The following TBC1D20 variants were observed in gnomAD, a reference collection of about 807,000 sequenced individuals.
TBC1D20 encodes the protein chromosome 20 open reading frame 140.
TBC1D20 carries 12 observed loss-of-function variants against 41.6 expected under a neutral mutation model. The observed-to-expected ratio is 0.29, with a 90% CI of 0.18 to 0.47. TBC1D20 has a LOEUF of 0.47. Ranked by LOEUF, TBC1D20 falls within the 20% of genes least tolerant of loss-of-function variation. TBC1D20 has a pLI of 1.00. For missense variants in TBC1D20, 421 were observed against 517.4 expected, an observed-to-expected ratio of 0.81 and a Z score of 1.81; for synonymous variants, 205 against 204.8, an observed-to-expected ratio of 1.00 and a Z score of -0.01.
At chr20:460,782 T>C (rs1192467975) in intron 1 of TBC1D20, among the ~76,000 whole-genome samples, 4 of 151,986 alleles carry the variant, frequency 2.6e-5, no homozygotes, top group African/African-American at 9.7e-5. Context: ...AACAAAACAA[T>C]AACAAAAACA....
chr20:456,560 T>C (rs1295097413), intron 1 of TBC1D20, among the ~76,000 whole-genome samples: 2 of 151,142 alleles, frequency 1.3e-5, no homozygotes, highest in East Asian at 2.0e-4. Context: ...AGAATGACTT[T>C]TTTTCTTCTT....
chr20:461,174 A>C (rs2017622664), intron 1 of TBC1D20, among the ~76,000 whole-genome samples: 1 of 152,352 alleles, frequency 6.6e-6, no homozygotes, highest in Non-Finnish European at 1.5e-5. Flanking sequence ...GAAATAGGGA[A>C]AGTCACCTTA....
At chr20:456,011 C>T (rs1406738829) in intron 1 of TBC1D20, among the ~76,000 whole-genome samples, 1 of 152,080 alleles carries the variant, frequency 6.6e-6, no homozygotes, top group East Asian at 1.9e-4. Flanking sequence ...CCAGACGTGG[C>T]TCATGCTTAT....
At chr20:444,203 G>A (rs2017289435) in intron 3 of TBC1D20, among the ~76,000 whole-genome samples, 1 of 151,968 alleles carries the variant, frequency 6.6e-6, no homozygotes, top group South Asian at 2.1e-4. Flanking sequence ...AAAAGGGAAT[G>A]GACCGTGGGC....
chr20:445,493 A>C (rs1347491106), intron 2 of TBC1D20, among the ~76,000 whole-genome samples: 1 of 152,158 alleles, frequency 6.6e-6, no homozygotes, highest in African/African-American at 2.4e-5. Flanking sequence ...TATTCCAAGG[A>C]TCAAATAAAA....
At chr20:451,301 T>C (rs2017437629) in intron 1 of TBC1D20, among the ~76,000 whole-genome samples, 1 of 152,156 alleles carries the variant, frequency 6.6e-6, no homozygotes, top group Admixed American at 6.6e-5. Flanking sequence ...TCCCAGCACT[T>C]TGGGAGGCCA....
chr20:449,285 TAAAAAA>T (rs1169245536), intron 1 of TBC1D20, among the ~76,000 whole-genome samples: 6 of 56,940 alleles, frequency 1.1e-4, no homozygotes, highest in African/African-American at 3.7e-4. Context: ...CCCAATACAT[TAAAAAA>T]AAAAAAAAAA....
At position 437,729 on chromosome 20, in the gene TBC1D20, A is replaced by G. The variant is rs1375219809; in HGVS notation, c.*857T>C. 6.5e-6 allele frequency: 1 copy of G among 153,724 alleles called. No homozygotes were observed. Among genetic ancestry groups the G allele is most frequent in the African/African-American group, 2.4e-5 (1 of 41,444 alleles). 9.5% of individuals were successfully genotyped at this position (153,724 alleles called of 1,614,324 possible). A position where few individuals can be genotyped will look rare whatever the true frequency, so the allele number is the denominator to read the frequency against. Reference sequence around the variant, plus strand: ...GAAAATGTTAATCAAGTAGAAAGTAAAATTCAGGATCTTAGAAGCTCATCC... The same window carrying G: ...GAAAATGTTAATCAAGTAGAAAGTAGAATTCAGGATCTTAGAAGCTCATCC... On this transcript the variant is annotated 3_prime_UTR_variant, in exon 8 of 8. Transcript: ENST00000354200.
intron 1 of TBC1D20, among the ~76,000 whole-genome samples, chr20:453,308 A>C (rs1393395819): frequency 1.3e-5 from 2 of 151,038 alleles, no homozygotes; most frequent in Admixed American, 1.3e-4. Flanking sequence ...CCCCGTCTCT[A>C]CTAAAAATAC....
At chr20:452,699 G>A (rs2017466748) in intron 1 of TBC1D20, among the ~76,000 whole-genome samples, 1 of 152,208 alleles carries the variant, frequency 6.6e-6, no homozygotes, top group African/African-American at 2.4e-5. Flanking sequence ...AGGCACCAGA[G>A]TTCATGTGAA....
chr20:453,816 C>G (rs1251801568), intron 1 of TBC1D20, among the ~76,000 whole-genome samples: 1 of 146,480 alleles, frequency 6.8e-6, no homozygotes, highest in Non-Finnish European at 1.5e-5. Flanking sequence ...TCCCAAAGTA[C>G]TGAGATTACA....
chr20:453,153 C>CA (rs71191943), intron 1 of TBC1D20, among the ~76,000 whole-genome samples: 2,536 of 44,838 alleles, frequency 0.057, 642 homozygotes, highest in East Asian at 0.15. Flanking sequence ...AACTCCGTTT[C>CA]AAAAAAAAAA....
At chr20:460,859 A>G (rs1415742803) in intron 1 of TBC1D20, among the ~76,000 whole-genome samples, 1 of 152,214 alleles carries the variant, frequency 6.6e-6, no homozygotes, top group Non-Finnish European at 1.5e-5. Context: ...TAGAGGGGGT[A>G]AAGTCTTGCA....
chr20:436,464 A>G lies in TBC1D20; in HGVS notation c.*2122T>C, dbSNP rs912959545. On this transcript the variant is annotated 3_prime_UTR_variant, in exon 8 of 8. Coordinates refer to ENST00000354200, the MANE Select transcript of TBC1D20 (RefSeq NM_144628.4). ...ATAAACATTCTCCTTCCGAGGCCAC[A>G]ACTCAAGCAAATGCCACTTGCTTCC... 1 of 153,120 alleles carries G rather than the reference A, an allele frequency of 6.5e-6. No homozygotes were observed. Among genetic ancestry groups the G allele is most frequent in the Non-Finnish European group, 1.5e-5 (1 of 68,062 alleles). 9.5% of individuals were successfully genotyped at this position (153,120 alleles called of 1,614,324 possible).
At chr20:458,505 G>GA (rs563821967) in intron 1 of TBC1D20, among the ~76,000 whole-genome samples, 113 of 151,876 alleles carry the variant, frequency 7.4e-4, no homozygotes, top group African/African-American at 2.1e-3. Flanking sequence ...ATTTTGTAGA[G>GA]AAAAAAAGTG....
intron 1 of TBC1D20, among the ~76,000 whole-genome samples, chr20:458,817 C>A (rs1432166761): frequency 6.6e-6 from 1 of 152,152 alleles, no homozygotes; most frequent in Non-Finnish European, 1.5e-5. Context: ...ACTCTCTAAA[C>A]AGATCTGCAG....
At chr20:448,552 C>T (rs6037663) in intron 1 of TBC1D20, among the ~76,000 whole-genome samples, 2 of 151,412 alleles carry the variant, frequency 1.3e-5, no homozygotes, top group South Asian at 4.2e-4. Context: ...AGCTGGGCAT[C>T]GTGGTGCTCG....
intron 3 of TBC1D20, among the ~76,000 whole-genome samples, chr20:443,216 A>G (rs1267730718): frequency 1.3e-5 from 2 of 152,242 alleles, no homozygotes; most frequent in African/African-American, 4.8e-5. Flanking sequence ...GAAATTATAT[A>G]AAAATAAAAA....
chr20:446,291 G>C (rs1483452404), intron 2 of TBC1D20, among the ~76,000 whole-genome samples: 2 of 152,198 alleles, frequency 1.3e-5, no homozygotes, highest in African/African-American at 4.8e-5. Flanking sequence ...TCTTTTCACA[G>C]AATTACAGGA....
Sources: gnomAD v4.1 joint callset for allele counts (sites outside exome capture counted in the v4.1 genomes callset) on GRCh38, gnomAD v4.1.1 for gene constraint, MANE v1.5 for transcripts, NCBI Gene and HGNC (gene_info 2026-07-23, HGNC 2026-07-21) for gene names.